NELL1: variants seen among roughly 807,000 people sequenced by gnomAD.
NELL1 encodes the protein neural EGFL like 1.
In NELL1, 76 loss-of-function variants were observed where a neutral mutation model predicts 107.4. The observed-to-expected ratio is 0.71, with a 90% confidence interval of 0.59 to 0.86. NELL1 has a LOEUF of 0.86. NELL1 is among the 40% of genes least tolerant of loss of function. NELL1 has a pLI of 0.00. For missense variants in NELL1, 1,024 were observed against 1,005.5 expected (o/e 1.02, Z -0.25); for synonymous variants, 353 against 341.2 (o/e 1.03, Z -0.38).
intron 13 of NELL1, among the ~76,000 whole-genome samples, chr11:21,225,045 G>A (rs776840802): frequency 6.6e-6 from 1 of 152,032 alleles, no homozygotes; most frequent in Non-Finnish European, 1.5e-5. Flanking sequence ...GATATAGGGT[G>A]CTACACAGGC....
Position 20,706,325 on chromosome 11 carries a change from A to G in NELL1, c.184+28265A>G, listed in dbSNP as rs940454971. On this transcript the variant is annotated intron_variant, in intron 2 of 19. Transcript: ENST00000357134. ...AAATGTGGCATATATACACCATGGAATACTATGCAGCCATAAAAAATGATG... is the reference window on the plus strand; with the variant it reads ...AAATGTGGCATATATACACCATGGAGTACTATGCAGCCATAAAAAATGATG... Among the ~76,000 whole-genome samples the G allele has an allele frequency of 3.9e-5, 6 of 152,286 alleles. No individual in the cohort carries two copies. The East Asian group carries it at 9.6e-4, about 24-fold the overall frequency.
At chr11:21,232,513 C>T (rs887153056) in intron 14 of NELL1, among the ~76,000 whole-genome samples, 1 of 152,076 alleles carries the variant, frequency 6.6e-6, no homozygotes, top group Non-Finnish European at 1.5e-5. Context: ...CAGTTTATGG[C>T]CTTCTGCCTG....
chr11:20,699,935 C>G, intron 2 of NELL1, among the ~76,000 whole-genome samples: 1 of 152,080 alleles, frequency 6.6e-6, no homozygotes, highest in African/African-American at 2.4e-5. Context: ...ACATCCATGC[C>G]AACACCTATA....
intron 12 of NELL1, among the ~76,000 whole-genome samples, chr11:20,971,125 A>G (rs1851491913): frequency 6.6e-6 from 1 of 152,082 alleles, no homozygotes; most frequent in African/African-American, 2.4e-5. Context: ...AGGTGAATCT[A>G]TCTTGCTCTG....
At chr11:21,287,921 A>G (rs936245624) in intron 14 of NELL1, among the ~76,000 whole-genome samples, 3 of 152,074 alleles carry the variant, frequency 2.0e-5, no homozygotes, top group African/African-American at 7.2e-5. Context: ...ATTCATCACT[A>G]TAGCATCAGA....
chr11:21,285,792 CAAAACAAAAG>C (rs1218706718), intron 14 of NELL1, among the ~76,000 whole-genome samples: 1 of 152,064 alleles, frequency 6.6e-6, no homozygotes, highest in Non-Finnish European at 1.5e-5. Flanking sequence ...GTGTATAAAA[CAAAACAAAAG>C]AAAACAAAAA....
intron 13 of NELL1, among the ~76,000 whole-genome samples, chr11:21,134,338 A>ACGGAT (rs990698896): frequency 5.9e-5 from 9 of 152,098 alleles, no homozygotes; most frequent in African/African-American, 2.2e-4. Flanking sequence ...TTGGGACTAT[A>ACGGAT]AGGATAGGAG....
chr11:21,232,748 G>T (rs1858096822), intron 14 of NELL1, among the ~76,000 whole-genome samples: 1 of 152,122 alleles, frequency 6.6e-6, no homozygotes, highest in Non-Finnish European at 1.5e-5. Flanking sequence ...CTGCCTCCCG[G>T]CTTCAAGCGA....
chr11:20,937,058 T>C (rs984684503), intron 9 of NELL1, among the ~76,000 whole-genome samples: 9 of 152,194 alleles, frequency 5.9e-5, no homozygotes, highest in Admixed American at 5.2e-4. Context: ...TATATTAGGA[T>C]CATATCAAAT....
At chr11:21,199,589 T>G (rs992925539) in intron 13 of NELL1, among the ~76,000 whole-genome samples, 18 of 152,302 alleles carry the variant, frequency 1.2e-4, no homozygotes, top group Admixed American at 3.3e-4. Flanking sequence ...AGAAAAAAGC[T>G]ATCAATTATG....
At chr11:20,685,907 C>A (rs1478167686) in intron 2 of NELL1, among the ~76,000 whole-genome samples, 1 of 151,708 alleles carries the variant, frequency 6.6e-6, no homozygotes, top group East Asian at 1.9e-4. Context: ...CTATTATTAC[C>A]CCCTTTTATC....
intron 12 of NELL1, among the ~76,000 whole-genome samples, chr11:21,013,795 C>T (rs926048406): frequency 3.3e-5 from 5 of 152,008 alleles, no homozygotes; most frequent in African/African-American, 1.2e-4. Flanking sequence ...GCCTATTGTC[C>T]TTTATCTGTT....
intron 13 of NELL1, among the ~76,000 whole-genome samples, chr11:21,218,938 G>T (rs1407676099): frequency 6.6e-6 from 1 of 152,086 alleles, no homozygotes; most frequent in East Asian, 1.9e-4. Context: ...GAATAATGCT[G>T]CAGTAAATAT....
intron 3 of NELL1, among the ~76,000 whole-genome samples, chr11:20,797,558 T>A: frequency 1.2e-5 from 1 of 86,494 alleles, no homozygotes; most frequent in Non-Finnish European, 2.0e-5. Context: ...AGAGCGAGAC[T>A]CCATCTCAAA....
At chr11:20,994,401 G>C (rs971842012) in intron 12 of NELL1, among the ~76,000 whole-genome samples, 6 of 152,194 alleles carry the variant, frequency 3.9e-5, no homozygotes, top group African/African-American at 9.7e-5. Flanking sequence ...TGCTTCTACT[G>C]GCTCACAATA....
intron 12 of NELL1, among the ~76,000 whole-genome samples, chr11:21,039,455 G>C (rs1410243475): frequency 2.6e-5 from 4 of 152,034 alleles, no homozygotes; most frequent in Non-Finnish European, 5.9e-5. Flanking sequence ...CAAAGTGCTG[G>C]GATTACAGGC....
rs576750209 is a variant in NELL1 at position 21,332,477 on chromosome 11, C to T, written c.1550-38376C>T. 2.0e-5 allele frequency among the ~76,000 whole-genome samples: 3 copies of T among 152,046 alleles called. No individual in the cohort carries two copies. The East Asian group carries it at 5.8e-4, about 29-fold the overall frequency. On this transcript the variant is annotated intron_variant, in intron 14 of 19. Transcript: ENST00000357134. The stretch of plus-strand genomic sequence containing the variant: ...CTTGGGGATCCCTTTATTTGTATCC[C>T]TTCTATGTGTCATTATATCCTTTGC...
chr11:20,949,937 A>G (rs1471081728), intron 11 of NELL1, among the ~76,000 whole-genome samples: 1 of 152,150 alleles, frequency 6.6e-6, no homozygotes, highest in Non-Finnish European at 1.5e-5. Flanking sequence ...TTGGAAGCTA[A>G]TAGTTTTCTT....
intron 14 of NELL1, among the ~76,000 whole-genome samples, chr11:21,265,997 TCAGTTTTGCC>T (rs964682554): frequency 1.3e-5 from 2 of 152,120 alleles, no homozygotes; most frequent in African/African-American, 4.8e-5. Flanking sequence ...CACAGACCTT[TCAGTTTTGCC>T]TCTGTGTCAA....
Sources: allele counts gnomAD v4.1 joint callset (sites outside exome capture counted in the v4.1 genomes callset), GRCh38; gene constraint gnomAD v4.1.1; transcripts MANE v1.5; gene names NCBI Gene and HGNC (gene_info 2026-07-23, HGNC 2026-07-21).